GABRB3: variants seen among roughly 807,000 people sequenced by gnomAD.
GABRB3 encodes the protein gamma-aminobutyric acid receptor subunit beta-3.
Under a neutral mutation model 52.1 loss-of-function variants are expected in GABRB3, and 14 were observed. The observed-to-expected ratio is 0.27, with a 90% CI of 0.18 to 0.42. The LOEUF (loss-of-function observed/expected upper bound fraction) is 0.42. Among genes scored for constraint, GABRB3 ranks in the 10% least tolerant of loss-of-function variants. The probability of loss-of-function intolerance (pLI) is 1.00; values close to 1 mark genes in which losing one functional copy is unlikely to be tolerated. For missense variants in GABRB3, 307 were observed against 609.1 expected (o/e 0.50, Z 5.22); for synonymous variants, 260 against 232.3 (o/e 1.12, Z -1.08).
chr15:26,575,786 T>C (rs1234983975), intron 6 of GABRB3, among the ~76,000 whole-genome samples: 2 of 152,228 alleles, frequency 1.3e-5, no homozygotes, highest in African/African-American at 2.4e-5. Flanking sequence ...ATTATTCATT[T>C]TGCACCCTTC....
chr15:26,583,384 G>A lies in GABRB3; in HGVS notation c.492C>T (p.Asp164=), dbSNP rs1261252544. 1 of 1,613,990 alleles carries A rather than the reference G, an allele frequency of 6.2e-7. No homozygotes were observed. The highest frequency in any genetic ancestry group is 8.5e-7 in the Non-Finnish European group (1 of 1,179,934). ...RITTTAACMM[D]LRRYPLDEQN... is the part of the protein sequence containing the mutation. ...GCTCGTCCAGGGGGTATCTCCTGAG[G>A]TCCATCATGCATGCTGCTGTCGTGG... The change falls in exon 5 of 9, where the codon GAC becomes GAT. Residue 164 remains aspartate (D), a synonymous_variant. Coordinates refer to ENST00000311550, the MANE Select transcript of GABRB3 (RefSeq NM_000814.6).
At chr15:26,602,787 T>C (rs1253020385) in intron 4 of GABRB3, among the ~76,000 whole-genome samples, 3 of 152,072 alleles carry the variant, frequency 2.0e-5, no homozygotes, top group African/African-American at 4.8e-5. Context: ...GGGAAATTTA[T>C]AGCTGTAAGT....
At chr15:26,712,735 A>C (rs1255851268) in intron 3 of GABRB3, among the ~76,000 whole-genome samples, 1 of 152,078 alleles carries the variant, frequency 6.6e-6, no homozygotes, top group Non-Finnish European at 1.5e-5. Context: ...GAGAAAGAAG[A>C]AGCCAGGGCC....
chr15:26,718,320 T>G (rs1031758169), intron 3 of GABRB3, among the ~76,000 whole-genome samples: 1 of 152,196 alleles, frequency 6.6e-6, no homozygotes, highest in African/African-American at 2.4e-5. Flanking sequence ...GTGATTCTCC[T>G]GCCTCAGCCT....
At chr15:26,687,885 ATAAACACCTATTATTTTAATTGTTAG>A (rs1322820309) in intron 3 of GABRB3, among the ~76,000 whole-genome samples, 1 of 152,176 alleles carries the variant, frequency 6.6e-6, no homozygotes, top group Non-Finnish European at 1.5e-5. Context: ...ATTACCTAGA[ATAAACACCTATTATTTTAATTGTTAG>A]TAGGTTACAA....
At chr15:26,583,608 T>C (rs1890866732) in intron 4 of GABRB3, among the ~76,000 whole-genome samples, 194 bp from the exon 5 acceptor site, 1 of 151,022 alleles carries the variant, frequency 6.6e-6, no homozygotes, top group African/African-American at 2.4e-5. Flanking sequence ...ACCAGATTTA[T>C]CAAGGAAAAA....
chr15:26,709,338 G>A (rs1410445657), intron 3 of GABRB3, among the ~76,000 whole-genome samples: 7 of 151,838 alleles, frequency 4.6e-5, no homozygotes, highest in Admixed American at 2.0e-4. Context: ...TAAAAGGCCC[G>A]TACCCCCTAC....
intron 3 of GABRB3, among the ~76,000 whole-genome samples, chr15:26,744,561 G>A (rs1454313048): frequency 6.6e-6 from 1 of 152,048 alleles, no homozygotes; most frequent in Non-Finnish European, 1.5e-5. Context: ...GAGTACCTGG[G>A]ATTACAGATG....
intron 3 of GABRB3, among the ~76,000 whole-genome samples, chr15:26,709,808 C>T (rs1416235377): frequency 6.6e-6 from 1 of 152,238 alleles, no homozygotes; most frequent in East Asian, 1.9e-4. Context: ...TGAGCCACCA[C>T]ACCCAGTCAT....
At position 26,662,787 on chromosome 15, in the gene GABRB3, A is replaced by G. The variant is rs1389991650; in HGVS notation, c.241-41253T>C. Among the ~76,000 whole-genome samples, 6 of 152,200 alleles carry G rather than the reference A, an allele frequency of 3.9e-5. No homozygotes were observed. In the East Asian group the frequency reaches 1.2e-3, roughly 29 times the overall value. On this transcript the variant is annotated intron_variant, in intron 3 of 8. Coordinates refer to ENST00000311550, the MANE Select transcript of GABRB3 (RefSeq NM_000814.6). The stretch of plus-strand genomic sequence containing the variant: ...AAGACACAGTCACATGAGGATAGGA[A>G]AAGCATTACCAGGAACACAGAGGCA...
intron 4 of GABRB3, among the ~76,000 whole-genome samples, chr15:26,606,785 T>G (rs1344474136): frequency 8.4e-6 from 1 of 119,586 alleles, no homozygotes; most frequent in South Asian, 2.6e-4. Context: ...TAGATAGATA[T>G]ATCTATAGAT....
Position 26,546,157 on chromosome 15 carries a change from T to C in GABRB3, c.*1636A>G, listed in dbSNP as rs561404299. On this transcript the variant is annotated 3_prime_UTR_variant, in exon 9 of 9. Transcript: ENST00000311550. Reference sequence around the variant, plus strand: ...ATACGTGGCATTTTGGGATAAAGTATTAATTTAGCAGTTCTTCCTGCAAAT... The same window carrying C: ...ATACGTGGCATTTTGGGATAAAGTACTAATTTAGCAGTTCTTCCTGCAAAT... 1 of 152,686 alleles carries C rather than the reference T, an allele frequency of 6.5e-6. No homozygotes were observed. The highest frequency in any genetic ancestry group is 2.4e-5 in the African/African-American group (1 of 41,566). The allele number at this position is 152,686 out of a possible 1,614,324, so 9.5% of individuals were successfully genotyped here.
intron 3 of GABRB3, among the ~76,000 whole-genome samples, chr15:26,667,332 G>T (rs192767247): frequency 7.7e-4 from 117 of 152,248 alleles, no homozygotes; most frequent in African/African-American, 2.7e-3. Flanking sequence ...TTTCTAGTAG[G>T]ATCTGGGGGT....
At chr15:26,751,395 G>T (rs1353130452) in intron 3 of GABRB3, among the ~76,000 whole-genome samples, 1 of 152,072 alleles carries the variant, frequency 6.6e-6, no homozygotes. Context: ...TGTTCCAAAG[G>T]CTACAATTTC....
At chr15:26,565,004 T>C (rs974594457) in intron 7 of GABRB3, among the ~76,000 whole-genome samples, 41 of 152,214 alleles carry the variant, frequency 2.7e-4, no homozygotes, top group African/African-American at 9.4e-4. Context: ...GTTACTTAGC[T>C]TCTCTGTATT....
At chr15:26,554,175 A>AGT (rs1555400857) in intron 8 of GABRB3, among the ~76,000 whole-genome samples, 2 of 14,258 alleles carry the variant, frequency 1.4e-4, no homozygotes, top group African/African-American at 1.3e-4. Flanking sequence ...ATATATATAA[A>AGT]GTATATATAT....
chr15:26,598,768 A>G (rs1891483217), intron 4 of GABRB3, among the ~76,000 whole-genome samples: 2 of 152,214 alleles, frequency 1.3e-5, no homozygotes, highest in South Asian at 2.1e-4. Context: ...TAGATTGCCC[A>G]GGGTTAGATA....
In GABRB3 at chr15:26,572,496, G is replaced by T. The variant is rs148055738; in HGVS notation, c.683-4763C>A. ...AACCCAAGAATTATCTGACGTAGTA[G>T]ATCTATTCTGCTAGGCAAAGGCTTT... On this transcript the variant is annotated intron_variant, in intron 6 of 8. Transcript: ENST00000311550. Among the ~76,000 whole-genome samples, 833 of 152,272 alleles carry T rather than the reference G, an allele frequency of 5.5e-3. 10 individuals are homozygous for T. Among genetic ancestry groups the T allele is most frequent in the African/African-American group, 0.019 (801 of 41,540 alleles).
At chr15:26,752,359 G>A (rs1890535295) in intron 3 of GABRB3, among the ~76,000 whole-genome samples, 1 of 151,714 alleles carries the variant, frequency 6.6e-6, no homozygotes, top group African/African-American at 2.4e-5. Flanking sequence ...AACCTCCTGG[G>A]TTCAAGAGAT....
Sources: gnomAD v4.1 joint callset for allele counts (sites outside exome capture counted in the v4.1 genomes callset) on GRCh38, gnomAD v4.1.1 for gene constraint, MANE v1.5 for transcripts, NCBI Gene and HGNC (gene_info 2026-07-23, HGNC 2026-07-21) for gene names.